FAM47E: variants seen among roughly 807,000 people sequenced by gnomAD.
The protein encoded by FAM47E is protein FAM47E.
Under a neutral mutation model 41.6 loss-of-function variants are expected in FAM47E, and 32 were observed. The ratio of observed to expected loss-of-function variants is 0.77; its 90% confidence interval spans 0.58 to 1.03. FAM47E has a LOEUF of 1.03. FAM47E is among the 50% of genes least tolerant of loss of function. The pLI is 0.00. For missense variants in FAM47E, 424 were observed against 485.4 expected, an observed-to-expected ratio of 0.87 and a Z score of 1.19; for synonymous variants, 184 against 188.7, an observed-to-expected ratio of 0.98 and a Z score of 0.20.
At chr4:76,219,811 G>A (rs540738338) in intron 2 of FAM47E, among the ~76,000 whole-genome samples, 4 of 152,096 alleles carry the variant, frequency 2.6e-5, no homozygotes, top group South Asian at 4.2e-4. Flanking sequence ...CCTGGTCCCC[G>A]CATGACTTCT....
intron 2 of FAM47E, among the ~76,000 whole-genome samples, chr4:76,258,891 G>A (rs369996504): frequency 6.6e-6 from 1 of 152,204 alleles, no homozygotes; most frequent in East Asian, 1.9e-4. Flanking sequence ...AAGGAGATGA[G>A]TATAAGTGTC....
intron 2 of FAM47E, among the ~76,000 whole-genome samples, chr4:76,257,628 T>C (rs566306320): frequency 5.9e-5 from 9 of 152,290 alleles, no homozygotes; most frequent in African/African-American, 2.2e-4. Context: ...ATTATGAGCA[T>C]GTCCAATTCA....
At position 76,271,418 on chromosome 4, in the gene FAM47E, A is replaced by G; in HGVS notation, c.670-150A>G. The G allele has an allele frequency of 7.5e-6, 7 of 932,910 alleles. No individual in the cohort carries two copies. In the South Asian group the frequency reaches 8.5e-5, roughly 11 times the overall value. The allele number at this position is 932,910 out of a possible 1,614,324, so 57.8% of individuals were successfully genotyped here. On this transcript the variant is annotated intron_variant, in intron 4 of 7. Coordinates refer to ENST00000424749, the MANE Select transcript of FAM47E (RefSeq NM_001136570.3). ...TAATGACAAAGCCCTCCAAACCCCAAACACTTCTTGTCTTCAATGAATGCT... is the reference window on the plus strand; with the variant it reads ...TAATGACAAAGCCCTCCAAACCCCAGACACTTCTTGTCTTCAATGAATGCT...
chr4:76,231,689 C>A (rs1200925484), intron 2 of FAM47E, among the ~76,000 whole-genome samples: 1 of 152,186 alleles, frequency 6.6e-6, no homozygotes, highest in Non-Finnish European at 1.5e-5. Context: ...CACAAGGAAT[C>A]AGATAAGACC....
At chr4:76,250,790 G>A (rs1178618255), upstream of FAM47E, among the ~76,000 whole-genome samples, 1 of 152,118 alleles carries the variant, frequency 6.6e-6, no homozygotes, top group Non-Finnish European at 1.5e-5. Flanking sequence ...ACTCACAACA[G>A]CTCTGTTAAG....
chr4:76,239,494 A>G (rs771397472), intron 2 of FAM47E, among the ~76,000 whole-genome samples: 6 of 152,206 alleles, frequency 3.9e-5, no homozygotes, highest in Non-Finnish European at 8.8e-5. Flanking sequence ...GATGTTGAGC[A>G]TCATTTCATG....
At chr4:76,240,915 T>G (rs1470865549) in intron 2 of FAM47E, among the ~76,000 whole-genome samples, 2 of 152,142 alleles carry the variant, frequency 1.3e-5, no homozygotes, top group African/African-American at 4.8e-5. Flanking sequence ...CAAGGACAGT[T>G]TCTGTTGGTT....
exon 1 of FAM47E, chr4:76,214,218 G>A (rs2109975473): frequency 2.2e-6 from 1 of 454,472 alleles, no homozygotes; most frequent in Non-Finnish European, 4.4e-6. Context: ...CGGGGACACC[G>A]TTACCGCAAT....
intron 2 of FAM47E, among the ~76,000 whole-genome samples, chr4:76,231,801 G>C (rs953993438): frequency 6.6e-6 from 1 of 152,162 alleles, no homozygotes; most frequent in Non-Finnish European, 1.5e-5. Context: ...TCCTGGACCT[G>C]TTAAAAGTGG....
chr4:76,247,838 C>T (rs944216557), upstream of FAM47E, among the ~76,000 whole-genome samples: 7 of 149,210 alleles, frequency 4.7e-5, no homozygotes, highest in African/African-American at 1.2e-4. Context: ...AAATATATTA[C>T]GGATATTAAA....
intron 1 of FAM47E, chr4:76,214,436 C>A: frequency 2.5e-6 from 1 of 397,214 alleles, no homozygotes. Context: ...TGAGCAAAGG[C>A]ATTGGGGGTG....
At chr4:76,277,267 G>A (rs1209193701) in intron 5 of FAM47E, among the ~76,000 whole-genome samples, 4 of 152,014 alleles carry the variant, frequency 2.6e-5, no homozygotes, top group Non-Finnish European at 2.9e-5. Flanking sequence ...GGCGGATCAC[G>A]AGGTCAGGAG....
At chr4:76,240,193 GTTTC>G (rs531803463) in intron 2 of FAM47E, among the ~76,000 whole-genome samples, 2 of 152,182 alleles carry the variant, frequency 1.3e-5, no homozygotes, top group Non-Finnish European at 2.9e-5. Context: ...TTAGTTGATA[GTTTC>G]TTTCTTTTAG....
chr4:76,256,693 G>A (rs6835986), intron 2 of FAM47E, among the ~76,000 whole-genome samples, 170 bp downstream of exon 2: 62,101 of 152,064 alleles, frequency 0.41, 14,258 homozygotes, highest in Non-Finnish European at 0.53. Context: ...TCTGTCCTCT[G>A]TTCCCAGAAA....
At chr4:76,226,997 G>A (rs1733409464) in intron 2 of FAM47E, among the ~76,000 whole-genome samples, 1 of 39,872 alleles carries the variant, frequency 2.5e-5, no homozygotes, top group African/African-American at 4.7e-5. Flanking sequence ...TTTGTCTTTC[G>A]AATTTTGTTT....
chr4:76,261,133 C>T lies in FAM47E; in HGVS notation c.421-2571C>T, dbSNP rs536468802. ...CACAATGAGATACGAGATACCATCT[C>T]ATATCAGTCAGAATAGCTATTATTG... On this transcript the variant is annotated intron_variant, in intron 2 of 7. Transcript: ENST00000424749. Among the ~76,000 whole-genome samples, 3 of 152,138 alleles carry T rather than the reference C, an allele frequency of 2.0e-5. No homozygotes were observed. In the East Asian group the frequency reaches 5.8e-4, roughly 29 times the overall value.
chr4:76,258,567 T>C (rs1734280468), intron 2 of FAM47E, among the ~76,000 whole-genome samples: 1 of 152,208 alleles, frequency 6.6e-6, no homozygotes, highest in African/African-American at 2.4e-5. Flanking sequence ...ACATATTCCA[T>C]TCTAGAGGAA....
At position 76,214,195 on chromosome 4, in the gene FAM47E, G is replaced by C. The variant is rs1307968463; in HGVS notation, c.-259G>C. The C allele has an allele frequency of 8.0e-4, 361 of 454,076 alleles. 2 individuals carry two copies. Among genetic ancestry groups the C allele is most frequent in the Non-Finnish European group, 1.0e-3 (235 of 226,764 alleles). 28.1% of individuals were successfully genotyped at this position (454,076 alleles called of 1,614,324 possible). A position where few individuals can be genotyped will look rare whatever the true frequency, so the allele number is the denominator to read the frequency against. ...TGGGACATTCCCCTGCTCTAGAGGC[G>C]CTCGCAAGTTAGCGGGGACACCGTT... On this transcript the variant is annotated 5_prime_UTR_variant, in exon 1 of 8. Coordinates refer to the FAM47E transcript ENST00000510197.
At chr4:76,245,748 T>C (rs1013320772) in intron 2 of FAM47E, among the ~76,000 whole-genome samples, 3 of 152,170 alleles carry the variant, frequency 2.0e-5, no homozygotes, top group African/African-American at 7.2e-5. Flanking sequence ...CATGGCCCAC[T>C]GTTCAACAAA....
Sources: gnomAD v4.1 joint callset for allele counts (sites outside exome capture counted in the v4.1 genomes callset) on GRCh38, gnomAD v4.1.1 for gene constraint, MANE v1.5 for transcripts, NCBI Gene and HGNC (gene_info 2026-07-23, HGNC 2026-07-21) for gene names.